BTAF1: variants seen among roughly 807,000 people sequenced by gnomAD.
The protein encoded by BTAF1 is B-TFIID TATA-box binding protein associated factor 1.
A neutral mutation model predicts 227.1 loss-of-function variants in BTAF1; 38 were observed. The observed-to-expected ratio is 0.17, with a 90% CI of 0.13 to 0.22. BTAF1 has a LOEUF of 0.22. Among genes scored for constraint, BTAF1 ranks in the 10% least tolerant of loss-of-function variants. The pLI, the probability that BTAF1 is intolerant of heterozygous loss-of-function variation, is 1.00. For missense variants in BTAF1, 1,598 were observed against 2,204.0 expected (o/e 0.73, Z 5.51); for synonymous variants, 742 against 751.9 (o/e 0.99, Z 0.21).
intron 19 of BTAF1, among the ~76,000 whole-genome samples, chr10:91,985,679 T>A (rs1321982962): frequency 2.6e-5 from 4 of 152,196 alleles, no homozygotes; most frequent in African/African-American, 4.8e-5. Context: ...TGTCTGATAG[T>A]GTTATTGTGG....
Position 91,978,074 on chromosome 10 carries a change from A to G in BTAF1, c.1651-2380A>G, listed in dbSNP as rs1292868052. ...GTTCACCCTCAGTAGTATACATTCT[A>G]TTGGCTTGACAAACATGATGTCATG... On this transcript the variant is annotated intron_variant, in intron 14 of 37. Transcript: ENST00000265990. 4.6e-5 allele frequency among the ~76,000 whole-genome samples: 7 copies of G among 152,200 alleles called. No individual in the cohort carries two copies. The South Asian group carries it at 6.2e-4, about 13-fold the overall frequency.
intron 32 of BTAF1, 108 bp from the exon 33 acceptor site, chr10:92,016,232 A>G (rs908794174): frequency 7.5e-7 from 1 of 1,332,548 alleles, no homozygotes; most frequent in Non-Finnish European, 1.0e-6. Flanking sequence ...GTTTTCATTA[A>G]TGAGGGCTGA....
chr10:91,926,321 A>G (rs765098036), intron 1 of BTAF1, among the ~76,000 whole-genome samples: 9 of 152,220 alleles, frequency 5.9e-5, no homozygotes, highest in Non-Finnish European at 1.0e-4. Context: ...AGAAACTGTA[A>G]TATTTTTAGG....
At chr10:91,928,760 T>C (rs1285406073) in intron 1 of BTAF1, among the ~76,000 whole-genome samples, 85 of 111,800 alleles carry the variant, frequency 7.6e-4, no homozygotes, top group African/African-American at 1.6e-3. Context: ...CAAGAATCCA[T>C]CCCCCCCCCC....
chr10:91,967,354 A>G, intron 14 of BTAF1, among the ~76,000 whole-genome samples: 1 of 152,212 alleles, frequency 6.6e-6, no homozygotes, highest in East Asian at 1.9e-4. Flanking sequence ...AAGGCTTCAC[A>G]TTCCCATTTT....
intron 14 of BTAF1, among the ~76,000 whole-genome samples, chr10:91,968,722 T>G (rs1038289812): frequency 6.6e-6 from 1 of 152,218 alleles, no homozygotes; most frequent in African/African-American, 2.4e-5. Context: ...GTTTTGGGTT[T>G]TAGCCATTCT....
chr10:92,011,086 G>C lies in BTAF1; in HGVS notation c.4117G>C (p.Val1373Leu), dbSNP rs1217930340. The C allele has an allele frequency of 1.9e-6, 3 of 1,606,188 alleles. No homozygotes were observed. The highest frequency in any genetic ancestry group is 2.7e-5 in the African/African-American group (2 of 74,518). ...PTERIRLQHQ[V>L]KRHNLIVASY... is the part of the protein sequence containing the mutation. ...TTCTAAATAAAGGTTACAGCACCAA[G>C]TAAAAAGGCACAATCTAATAGTGGC... Residue 1373 changes from valine to leucine, a missense_variant, in exon 29 of 38, where the codon GTA (valine) becomes CTA (leucine). Val to Leu is a conservative substitution (Grantham distance 32). Coordinates refer to ENST00000265990, the MANE Select transcript of BTAF1 (RefSeq NM_003972.3).
intron 13 of BTAF1, among the ~76,000 whole-genome samples, chr10:91,965,438 T>C (rs556485376): frequency 6.6e-6 from 1 of 152,248 alleles, no homozygotes; most frequent in East Asian, 1.9e-4. Context: ...AGAATGAACG[T>C]GCCTGTGTAC....
intron 1 of BTAF1, among the ~76,000 whole-genome samples, chr10:91,929,382 G>A (rs569412287): frequency 6.6e-6 from 1 of 152,302 alleles, no homozygotes; most frequent in East Asian, 1.9e-4. Flanking sequence ...TGTTTTAAAA[G>A]CCATACCTTA....
intron 20 of BTAF1, 46 bp downstream of exon 20, chr10:91,989,626 AT>A: frequency 6.6e-7 from 1 of 1,505,052 alleles, no homozygotes; most frequent in South Asian, 1.3e-5. Context: ...AACCTTTTAA[AT>A]TTGTTTTTGT....
chr10:92,003,155 CAAA>C (rs35416792), intron 25 of BTAF1, among the ~76,000 whole-genome samples: 1 of 141,402 alleles, frequency 7.1e-6, no homozygotes, highest in Admixed American at 7.0e-5. Flanking sequence ...GACTCCGTCT[CAAA>C]AAAAAAAAAA....
In BTAF1 at chr10:91,991,775, A is replaced by ATGTG. The variant is rs376156562; in HGVS notation, c.2855-324_2855-321dup. ...GTCTCAGAAAAAAAAAATTATATATATGTGTGTGTGTGTGTGTGTGTGTAT... is the reference window on the plus strand; with the variant it reads ...GTCTCAGAAAAAAAAAATTATATATATGTGTGTGTGTGTGTGTGTGTGTGTGTAT... On this transcript the variant is annotated intron_variant, in intron 20 of 37. Coordinates refer to ENST00000265990, the MANE Select transcript of BTAF1 (RefSeq NM_003972.3). Among the ~76,000 whole-genome samples the ATGTG allele has an allele frequency of 2.5e-3, 207 of 81,472 alleles. 1 individual carries two copies. Among genetic ancestry groups the ATGTG allele is most frequent in the African/African-American group, 0.013 (185 of 14,788 alleles). 53.4% of individuals were successfully genotyped at this position (81,472 alleles called of 152,430 possible). A position where few individuals can be genotyped will look rare whatever the true frequency, so the allele number is the denominator to read the frequency against.
chr10:92,008,133 C>A lies in BTAF1; in HGVS notation c.3671C>A (p.Pro1224Gln), dbSNP rs755948983. The A allele has an allele frequency of 6.3e-7, 1 of 1,581,292 alleles. No individual in the cohort carries two copies. The highest frequency in any genetic ancestry group is 1.2e-5 in the South Asian group (1 of 83,906). ...IRLMPLEAGI[P>Q]DPPNMSAELI... is the part of the protein sequence containing the mutation. ...AAAAAATCATTTTAGGCAGGCATTC[C>A]AGACCCTCCAAACATGTCAGCAGAA... Residue 1224 changes from proline (P) to glutamine (Q), a missense_variant, in exon 26 of 38, where the codon CCA becomes CAA. Coordinates refer to ENST00000265990, the MANE Select transcript of BTAF1 (RefSeq NM_003972.3).
intron 6 of BTAF1, among the ~76,000 whole-genome samples, chr10:91,954,607 G>T (rs1227980529): frequency 1.3e-5 from 2 of 151,930 alleles, no homozygotes; most frequent in African/African-American, 2.4e-5. Context: ...GCCCAGGCTG[G>T]AGTGCAGTGG....
rs1301820958 is a variant in BTAF1, at chr10:91,962,633, A to C, written c.1359A>C (p.Ser453=). ...DDDVRAVAAA[S]LVPVVESLVY... is the part of the protein sequence containing the mutation. ...ATGTCAGAGCTGTTGCTGCAGCATC[A>C]TTAGTGCCTGTAGTAGAAAGCCTTG... The change falls in exon 12 of 38, where the codon TCA becomes TCC. Residue 453 remains serine (S), a synonymous_variant. Transcript: ENST00000265990. The C allele has an allele frequency of 6.2e-7, 1 of 1,610,956 alleles. No homozygotes were observed. Among genetic ancestry groups the C allele is most frequent in the African/African-American group, 1.3e-5 (1 of 74,824 alleles).
At chr10:92,025,996 T>G (rs187625146) in intron 35 of BTAF1, among the ~76,000 whole-genome samples, 16 of 152,306 alleles carry the variant, frequency 1.1e-4, no homozygotes, top group Admixed American at 5.9e-4. Context: ...AATAGGGATA[T>G]TGGTAATAAT....
intron 17 of BTAF1, 75 bp from the exon 18 acceptor site, chr10:91,982,512 A>G (rs1050797325): frequency 2.7e-6 from 4 of 1,489,370 alleles, no homozygotes; most frequent in Non-Finnish European, 3.6e-6. Context: ...TAGGAAATTG[A>G]AAAAATTTCC....
In BTAF1 at chr10:92,029,583, C is replaced by CCA. The variant is rs911598353; in HGVS notation, c.*651_*652dup. 9 of 151,616 alleles carry CCA rather than the reference C, an allele frequency of 5.9e-5. No individual in the cohort carries two copies. Among genetic ancestry groups the CCA allele is most frequent in the Non-Finnish European group, 1.2e-4 (8 of 67,838 alleles). 9.4% of individuals were successfully genotyped at this position (151,616 alleles called of 1,614,324 possible). A position where few individuals can be genotyped will look rare whatever the true frequency, so the allele number is the denominator to read the frequency against. On this transcript the variant is annotated 3_prime_UTR_variant, in exon 38 of 38. Transcript: ENST00000265990. ...ACAGGTAATGGTATATTTAAGGCTACCATAACATCCTATTTAGAGGGTGGT... is the reference window on the plus strand; with the variant it reads ...ACAGGTAATGGTATATTTAAGGCTACCACATAACATCCTATTTAGAGGGTGGT...
chr10:91,944,196 T>C (rs1284154629), intron 4 of BTAF1, among the ~76,000 whole-genome samples: 2 of 152,008 alleles, frequency 1.3e-5, no homozygotes, highest in Non-Finnish European at 2.9e-5. Flanking sequence ...GATTCTGATA[T>C]GTAACCAGGA....
Sources: gnomAD v4.1 joint callset for allele counts (sites outside exome capture counted in the v4.1 genomes callset) on GRCh38, gnomAD v4.1.1 for gene constraint, MANE v1.5 for transcripts, NCBI Gene and HGNC (gene_info 2026-07-23, HGNC 2026-07-21) for gene names.